Variants in DGKB observed in about 807,000 individuals in gnomAD.
DGKB encodes diacylglycerol kinase beta, also known as 90 kDa diacylglycerol kinase.
Under a neutral mutation model 114.3 loss-of-function variants are expected in DGKB, and 67 were observed. That is an observed-to-expected ratio of 0.59 (90% CI 0.48 to 0.72). The LOEUF is 0.72. Among genes scored for constraint, DGKB ranks in the 30% least tolerant of loss-of-function variants. The probability of loss-of-function intolerance (pLI) is 0.00; values close to 1 mark genes in which losing one functional copy is unlikely to be tolerated. For synonymous variants in DGKB, 398 were observed against 323.1 expected (o/e 1.23, Z -2.49); for missense variants, 907 against 975.2 (o/e 0.93, Z 0.93).
intron 21 of DGKB, among the ~76,000 whole-genome samples, chr7:14,407,390 T>A (rs1416404558): frequency 6.6e-6 from 1 of 152,082 alleles, no homozygotes; most frequent in Non-Finnish European, 1.5e-5. Context: ...TTTGACTATT[T>A]TCAGTTGATC....
intron 21 of DGKB, among the ~76,000 whole-genome samples, chr7:14,457,579 T>A (rs1186675541): frequency 2.0e-5 from 3 of 152,238 alleles, no homozygotes; most frequent in African/African-American, 7.2e-5. Context: ...TCAGACATTT[T>A]GCATTTATTT....
chr7:14,306,558 T>C (rs1206592605), intron 23 of DGKB, among the ~76,000 whole-genome samples: 1 of 152,172 alleles, frequency 6.6e-6, no homozygotes, highest in Non-Finnish European at 1.5e-5. Context: ...TTTTTTCTTT[T>C]TTTCTGAGAA....
At chr7:14,705,569 G>C (rs568232483) in intron 6 of DGKB, among the ~76,000 whole-genome samples, 18 of 150,186 alleles carry the variant, frequency 1.2e-4, no homozygotes, top group African/African-American at 4.4e-4. Flanking sequence ...CAGAGAGAAA[G>C]GTCGGGTTCC....
intron 1 of DGKB, among the ~76,000 whole-genome samples, chr7:14,948,365 C>G (rs1429574425): frequency 6.6e-6 from 1 of 151,810 alleles, no homozygotes; most frequent in Non-Finnish European, 1.5e-5. Context: ...TCTGCATGAA[C>G]TACAACATAC....
intron 20 of DGKB, among the ~76,000 whole-genome samples, chr7:14,479,631 A>G (rs188439851): frequency 1.3e-5 from 2 of 152,238 alleles, no homozygotes; most frequent in East Asian, 1.9e-4. Context: ...TATTCGTCCA[A>G]CGATAACTCT....
intron 23 of DGKB, among the ~76,000 whole-genome samples, chr7:14,213,811 C>T (rs1156862233): frequency 2.0e-5 from 3 of 152,154 alleles, no homozygotes; most frequent in African/African-American, 7.2e-5. Flanking sequence ...AGTTTACCCT[C>T]TCATCATACA....
intron 19 of DGKB, among the ~76,000 whole-genome samples, chr7:14,576,812 G>T (rs1470522314): frequency 6.6e-6 from 1 of 152,144 alleles, no homozygotes; most frequent in Non-Finnish European, 1.5e-5. Flanking sequence ...CTGGATATGT[G>T]TGTAGGGATT....
chr7:14,407,874 G>A (rs1383965012), intron 21 of DGKB, among the ~76,000 whole-genome samples: 2 of 151,904 alleles, frequency 1.3e-5, no homozygotes, highest in Non-Finnish European at 2.9e-5. Context: ...CAGAACTAGG[G>A]ACTAATGTTC....
chr7:14,297,271 G>T (rs190394382), intron 23 of DGKB, among the ~76,000 whole-genome samples: 1 of 152,062 alleles, frequency 6.6e-6, no homozygotes, highest in South Asian at 2.1e-4. Context: ...TTTCAGGCCA[G>T]TATCTCTGAT....
intron 21 of DGKB, among the ~76,000 whole-genome samples, chr7:14,432,333 T>A (rs1245519867): frequency 6.6e-6 from 1 of 152,092 alleles, no homozygotes; most frequent in Non-Finnish European, 1.5e-5. Flanking sequence ...ACATAACCCT[T>A]CTAAGAGCTA....
At chr7:14,741,933 G>GT (rs950478550) in intron 4 of DGKB, among the ~76,000 whole-genome samples, 2 of 152,086 alleles carry the variant, frequency 1.3e-5, no homozygotes, top group Non-Finnish European at 2.9e-5. Flanking sequence ...AGACCTTTAT[G>GT]TTTTTTTCTT....
At chr7:14,384,335 C>G (rs1213530829) in intron 21 of DGKB, among the ~76,000 whole-genome samples, 14 of 152,144 alleles carry the variant, frequency 9.2e-5, no homozygotes, top group Non-Finnish European at 2.1e-4. Flanking sequence ...CCAAGTTTGT[C>G]TTGACTTCCT....
intron 6 of DGKB, among the ~76,000 whole-genome samples, chr7:14,705,864 C>G (rs1287067296): frequency 6.6e-6 from 1 of 151,682 alleles, no homozygotes; most frequent in Non-Finnish European, 1.5e-5. Flanking sequence ...CAAAATCATG[C>G]CAAAATGTAA....
chr7:14,647,690 C>T (rs377247578), intron 13 of DGKB, among the ~76,000 whole-genome samples: 7 of 152,268 alleles, frequency 4.6e-5, no homozygotes, highest in Admixed American at 6.5e-5. Flanking sequence ...CCAGCATGAA[C>T]GACGCAGAAG....
At chr7:14,756,983 A>C (rs995332612) in intron 3 of DGKB, among the ~76,000 whole-genome samples, 3 of 152,106 alleles carry the variant, frequency 2.0e-5, no homozygotes, top group African/African-American at 7.2e-5. Flanking sequence ...AAAGGCATTC[A>C]TTCCAGCATG....
intron 2 of DGKB, among the ~76,000 whole-genome samples, chr7:14,789,403 T>C (rs892759518): frequency 6.6e-6 from 1 of 152,166 alleles, no homozygotes; most frequent in African/African-American, 2.4e-5. Flanking sequence ...TGCATCCATG[T>C]TGTTGCATTT....
intron 23 of DGKB, among the ~76,000 whole-genome samples, chr7:14,267,854 T>C (rs1390219521): frequency 3.3e-5 from 5 of 152,126 alleles, no homozygotes; most frequent in Non-Finnish European, 5.9e-5. Context: ...GAACATAGGG[T>C]AAATGGCATG....
At chr7:14,469,388 C>A (rs1000208246) in intron 21 of DGKB, among the ~76,000 whole-genome samples, 1 of 151,934 alleles carries the variant, frequency 6.6e-6, no homozygotes. Flanking sequence ...TTTTTTGTTA[C>A]TTCACTGCAG....
intron 4 of DGKB, among the ~76,000 whole-genome samples, chr7:14,744,587 G>A (rs1363670981): frequency 1.3e-5 from 2 of 152,190 alleles, no homozygotes; most frequent in Non-Finnish European, 2.9e-5. Context: ...GCTTTCCAAA[G>A]TCCTATCTGA....
Sources: allele counts gnomAD v4.1 joint callset (sites outside exome capture counted in the v4.1 genomes callset), GRCh38; gene constraint gnomAD v4.1.1; transcripts MANE v1.5; gene names NCBI Gene and HGNC (gene_info 2026-07-23, HGNC 2026-07-21).